The following FARS2 variants were observed in gnomAD, a reference collection of about 807,000 sequenced individuals.
The protein encoded by FARS2 is phenylalanyl-tRNA synthetase 2, mitochondrial, also known as phenylalanine--tRNA ligase, mitochondrial.
Under a neutral mutation model 46.4 loss-of-function variants are expected in FARS2, and 40 were observed. The observed-to-expected ratio is 0.86, with a 90% CI of 0.67 to 1.12. The LOEUF (loss-of-function observed/expected upper bound fraction) is 1.12, where lower values mean the gene tolerates loss of function less well. Ranked by LOEUF, FARS2 falls within the 50% of genes most tolerant of loss-of-function variation. FARS2 has a pLI of 0.00. For missense variants in FARS2, 513 were observed against 567.9 expected (o/e 0.90, Z 0.98); for synonymous variants, 234 against 214.9 (o/e 1.09, Z -0.78).
intron 4 of FARS2, among the ~76,000 whole-genome samples, chr6:5,542,975 T>C (rs574336609): frequency 4.1e-4 from 63 of 152,212 alleles, no homozygotes; most frequent in African/African-American, 1.2e-3. Flanking sequence ...TTTAAATATT[T>C]GAAATGTATT....
chr6:5,383,811 T>C (rs1759946820), intron 2 of FARS2, among the ~76,000 whole-genome samples: 1 of 152,136 alleles, frequency 6.6e-6, no homozygotes, highest in Admixed American at 6.6e-5. Context: ...TTCCCGTGGT[T>C]GACTGATTAG....
At chr6:5,730,711 G>T (rs1760567433) in intron 6 of FARS2, among the ~76,000 whole-genome samples, 1 of 152,148 alleles carries the variant, frequency 6.6e-6, no homozygotes, top group Admixed American at 6.5e-5. Flanking sequence ...ATCTTCTAGA[G>T]GTCATGAGCA....
At chr6:5,525,256 A>G (rs1004228411) in intron 4 of FARS2, among the ~76,000 whole-genome samples, 1 of 134,950 alleles carries the variant, frequency 7.4e-6, no homozygotes, top group East Asian at 2.0e-4. Context: ...GTGTATTTTT[A>G]ATATTATTAG....
At chr6:5,533,698 G>C (rs1412514082) in intron 4 of FARS2, among the ~76,000 whole-genome samples, 1 of 152,176 alleles carries the variant, frequency 6.6e-6, no homozygotes, top group Non-Finnish European at 1.5e-5. Flanking sequence ...TGGGAGAGTA[G>C]GTTGATGGAG....
rs372579748 is a variant in FARS2, at chr6:5,291,500, C to T, written c.-22+29840C>T. 11 of 152,248 alleles carry T rather than the reference C, an allele frequency of 7.2e-5. No individual in the cohort carries two copies. The South Asian group carries it at 1.7e-3, about 23-fold the overall frequency. 9.4% of individuals were successfully genotyped at this position (152,248 alleles called of 1,614,324 possible). On this transcript the variant is annotated intron_variant, in intron 1 of 6. Transcript: ENST00000274680. ...GGGAAAGAATCTTCTTTGATTTTTA[C>T]AATTTTTAAGAAAATGAAGTCTGAG...
intron 4 of FARS2, among the ~76,000 whole-genome samples, chr6:5,461,048 T>G (rs1337914466): frequency 3.3e-5 from 5 of 152,016 alleles, no homozygotes; most frequent in Non-Finnish European, 5.9e-5. Flanking sequence ...AAAGTCTTTT[T>G]TTTTTTTTGA....
chr6:5,301,556 C>A (rs1768300927), intron 1 of FARS2, among the ~76,000 whole-genome samples: 1 of 152,054 alleles, frequency 6.6e-6, no homozygotes, highest in Non-Finnish European at 1.5e-5. Flanking sequence ...TATCTCCAAC[C>A]CACCTACCCC....
At chr6:5,390,525 C>T (rs574522460) in intron 2 of FARS2, among the ~76,000 whole-genome samples, 10 of 152,072 alleles carry the variant, frequency 6.6e-5, no homozygotes, top group South Asian at 2.1e-4. Context: ...TTTTATAAAC[C>T]GAACAACAGT....
chr6:5,689,009 C>T (rs1473403923), intron 6 of FARS2, among the ~76,000 whole-genome samples: 2 of 152,180 alleles, frequency 1.3e-5, no homozygotes, highest in African/African-American at 4.8e-5. Flanking sequence ...ATAGTATTCT[C>T]TGATGGTAGT....
chr6:5,533,195 G>T (rs1467985837), intron 4 of FARS2, among the ~76,000 whole-genome samples: 2 of 152,128 alleles, frequency 1.3e-5, no homozygotes, highest in African/African-American at 4.8e-5. Context: ...GGTGACCAAG[G>T]TAGGGGTCAA....
At chr6:5,287,165 C>T (rs780073817) in intron 1 of FARS2, among the ~76,000 whole-genome samples, 9 of 152,162 alleles carry the variant, frequency 5.9e-5, no homozygotes, top group Non-Finnish European at 7.3e-5. Flanking sequence ...GCAAATTTCC[C>T]GGGTGTGATA....
At chr6:5,453,405 G>A (rs1204654786) in intron 4 of FARS2, among the ~76,000 whole-genome samples, 1 of 152,198 alleles carries the variant, frequency 6.6e-6, no homozygotes, top group East Asian at 1.9e-4. Context: ...ACTATCTACA[G>A]TGTCTGCAAG....
intron 4 of FARS2, among the ~76,000 whole-genome samples, chr6:5,494,880 A>G (rs980302854): frequency 6.6e-6 from 1 of 152,220 alleles, no homozygotes; most frequent in Non-Finnish European, 1.5e-5. Context: ...ATGAGGAAAA[A>G]GCAATCGAAA....
intron 6 of FARS2, among the ~76,000 whole-genome samples, chr6:5,629,364 G>A (rs1333809485): frequency 2.6e-5 from 4 of 152,144 alleles, no homozygotes; most frequent in Non-Finnish European, 5.9e-5. Context: ...AAATGTTTGC[G>A]GATTGTGGTT....
At chr6:5,576,596 TG>T (rs1582487862) in intron 5 of FARS2, among the ~76,000 whole-genome samples, 2 of 147,234 alleles carry the variant, frequency 1.4e-5, no homozygotes, top group East Asian at 3.9e-4. Flanking sequence ...ACTCTATATA[TG>T]ATATATTATA....
intron 1 of FARS2, among the ~76,000 whole-genome samples, chr6:5,296,099 A>G (rs1767840287): frequency 6.9e-6 from 1 of 145,564 alleles, no homozygotes; most frequent in Non-Finnish European, 1.5e-5. Context: ...TTGCGGTGAA[A>G]TGTACAAACA....
intron 3 of FARS2, among the ~76,000 whole-genome samples, chr6:5,412,857 A>T (rs1762012174): frequency 6.6e-6 from 1 of 151,614 alleles, no homozygotes; most frequent in Admixed American, 6.6e-5. Flanking sequence ...TGTTGCATTC[A>T]AGCAATTTTG....
In FARS2 at chr6:5,565,145, A is replaced by C. The variant is rs1220713349; in HGVS notation, c.1065+19805A>C. ...AGGAACCAGGCAGAGAAAAATAAAC[A>C]TGCTCCAAATTTTGTTTACAGGAGT... On this transcript the variant is annotated intron_variant, in intron 5 of 6. Coordinates refer to ENST00000274680, the MANE Select transcript of FARS2 (RefSeq NM_006567.5). Among the ~76,000 whole-genome samples, 4 of 152,224 alleles carry C rather than the reference A, an allele frequency of 2.6e-5. No homozygotes were observed. In the East Asian group the frequency reaches 7.7e-4, roughly 29 times the overall value.
At chr6:5,420,009 A>C (rs1281438939) in intron 3 of FARS2, among the ~76,000 whole-genome samples, 13 of 152,174 alleles carry the variant, frequency 8.5e-5, no homozygotes, top group Non-Finnish European at 1.5e-4. Flanking sequence ...GGTTTAATGG[A>C]GTTACAGTTC....
Sources: allele counts gnomAD v4.1 joint callset (sites outside exome capture counted in the v4.1 genomes callset), GRCh38; gene constraint gnomAD v4.1.1; transcripts MANE v1.5; gene names NCBI Gene and HGNC (gene_info 2026-07-23, HGNC 2026-07-21).